Variants in CHST11 observed in about 807,000 individuals in gnomAD.
The protein encoded by CHST11 is carbohydrate sulfotransferase 11.
A neutral mutation model predicts 30.4 loss-of-function variants in CHST11; 9 were observed. That is an observed-to-expected ratio of 0.30 (90% CI 0.18 to 0.52). The LOEUF is 0.52. Among genes scored for constraint, CHST11 ranks in the 20% least tolerant of loss-of-function variants. The pLI, the probability that CHST11 is intolerant of heterozygous loss-of-function variation, is 0.97. For missense variants in CHST11, 348 were observed against 460.6 expected, an observed-to-expected ratio of 0.76 and a Z score of 2.24; for synonymous variants, 152 against 187.8, an observed-to-expected ratio of 0.81 and a Z score of 1.56.
At chr12:104,577,016 C>CTGAG (rs1345176256) in intron 1 of CHST11, among the ~76,000 whole-genome samples, 1 of 145,304 alleles carries the variant, frequency 6.9e-6, no homozygotes, top group East Asian at 2.0e-4. Context: ...AATCCCTGGA[C>CTGAG]CTCGGTACTA....
chr12:104,476,179 TA>T (rs1466477528), intron 1 of CHST11, among the ~76,000 whole-genome samples: 4 of 146,578 alleles, frequency 2.7e-5, no homozygotes, highest in East Asian at 3.9e-4. Flanking sequence ...ATTATAATTA[TA>T]AAAATTATAA....
At chr12:104,637,334 A>AAAAG in intron 2 of CHST11, among the ~76,000 whole-genome samples, 1 of 60,322 alleles carries the variant, frequency 1.7e-5, no homozygotes, top group Non-Finnish European at 3.0e-5. Context: ...AAAAAAAAAA[A>AAAAG]AGGGGGTTGG....
chr12:104,474,703 C>T (rs1310449526), intron 1 of CHST11, among the ~76,000 whole-genome samples: 1 of 151,850 alleles, frequency 6.6e-6, no homozygotes, highest in African/African-American at 2.4e-5. Flanking sequence ...GCTGAGTGTT[C>T]GATCTGTTAT....
At chr12:104,646,239 C>T (rs900904691) in intron 2 of CHST11, among the ~76,000 whole-genome samples, 2 of 152,204 alleles carry the variant, frequency 1.3e-5, no homozygotes, top group Non-Finnish European at 2.9e-5. Context: ...ACTTTCTCCT[C>T]CTCCTTTTCT....
chr12:104,736,812 C>T (rs192885686), intron 2 of CHST11, among the ~76,000 whole-genome samples: 15 of 152,294 alleles, frequency 9.8e-5, no homozygotes, highest in Admixed American at 3.9e-4. Flanking sequence ...CCCCACACAG[C>T]GCTGTAGGTG....
At chr12:104,546,306 CA>C (rs1213013825) in intron 1 of CHST11, among the ~76,000 whole-genome samples, 181 of 136,930 alleles carry the variant, frequency 1.3e-3, no homozygotes, top group Admixed American at 2.2e-3. Flanking sequence ...CCCATCTCTA[CA>C]AAAAAAAAAA....
intron 1 of CHST11, among the ~76,000 whole-genome samples, chr12:104,580,931 G>T (rs1303889950): frequency 2.0e-5 from 3 of 152,126 alleles, no homozygotes; most frequent in African/African-American, 7.2e-5. Context: ...AGAACTTTCA[G>T]TTCCAATACA....
chr12:104,578,562 C>G (rs1211021644), intron 1 of CHST11, among the ~76,000 whole-genome samples: 1 of 152,162 alleles, frequency 6.6e-6, no homozygotes, highest in Non-Finnish European at 1.5e-5. Flanking sequence ...TCTGGGATGA[C>G]AGCACGAGTT....
intron 2 of CHST11, among the ~76,000 whole-genome samples, chr12:104,612,176 G>A (rs2039066874): frequency 6.6e-6 from 1 of 152,216 alleles, no homozygotes; most frequent in Non-Finnish European, 1.5e-5. Context: ...TAGTTCGCTG[G>A]GGCTGCTGTA....
chr12:104,752,182 G>A (rs2040436999), intron 2 of CHST11, among the ~76,000 whole-genome samples: 1 of 152,166 alleles, frequency 6.6e-6, no homozygotes, highest in South Asian at 2.1e-4. Context: ...CCAGCTGCTG[G>A]TGGTGGCCGG....
intron 1 of CHST11, among the ~76,000 whole-genome samples, chr12:104,578,385 T>G (rs1433678610): frequency 6.6e-6 from 1 of 152,242 alleles, no homozygotes; most frequent in Non-Finnish European, 1.5e-5. Flanking sequence ...TTTATAGATT[T>G]GGTGACTTCT....
At chr12:104,579,854 G>A (rs1274058620) in intron 1 of CHST11, among the ~76,000 whole-genome samples, 1 of 152,192 alleles carries the variant, frequency 6.6e-6, no homozygotes, top group Non-Finnish European at 1.5e-5. Context: ...AAATGTCTAA[G>A]GTCTAGCAGT....
intron 2 of CHST11, among the ~76,000 whole-genome samples, chr12:104,624,133 A>G (rs953891853): frequency 2.6e-5 from 4 of 152,206 alleles, no homozygotes; most frequent in African/African-American, 9.7e-5. Flanking sequence ...TCAAGGAGCA[A>G]TTATGCAGCT....
chr12:104,472,264 G>T (rs1205744962), intron 1 of CHST11, among the ~76,000 whole-genome samples: 1 of 151,470 alleles, frequency 6.6e-6, no homozygotes, highest in Non-Finnish European at 1.5e-5. Context: ...GAGCCATTGC[G>T]CCCGCCCCTT....
intron 1 of CHST11, chr12:104,552,768 T>C (rs2038417110): frequency 6.6e-6 from 1 of 152,226 alleles, no homozygotes; most frequent in African/African-American, 2.4e-5. Context: ...TTGTTTTGTA[T>C]TTCTCTCTGT....
At chr12:104,547,305 G>T (rs147539980) in intron 1 of CHST11, among the ~76,000 whole-genome samples, 1 of 152,328 alleles carries the variant, frequency 6.6e-6, no homozygotes, top group East Asian at 1.9e-4. Flanking sequence ...CAAGTCTTCA[G>T]GTTTTCAAGT....
chr12:104,465,313 T>C lies in CHST11; in HGVS notation c.118+7784T>C, dbSNP rs544905858. On this transcript the variant is annotated intron_variant, in intron 1 of 2. Transcript: ENST00000303694. ...ACTTATTTTCAGAGCCCAGGGCTTG[T>C]AGTTAGTATTTGTCTGATTAACGAT... Among the ~76,000 whole-genome samples, 4 of 152,330 alleles carry C rather than the reference T, an allele frequency of 2.6e-5. No individual in the cohort carries two copies. In the South Asian group the frequency reaches 8.3e-4, roughly 32 times the overall value.
intron 2 of CHST11, among the ~76,000 whole-genome samples, chr12:104,607,024 A>G (rs1412219704): frequency 6.6e-6 from 1 of 152,062 alleles, no homozygotes; most frequent in African/African-American, 2.4e-5. Flanking sequence ...ATGCCCCTAC[A>G]CTCCAGCCTG....
chr12:104,468,177 A>G (rs1300231404), intron 1 of CHST11, among the ~76,000 whole-genome samples: 1 of 152,068 alleles, frequency 6.6e-6, no homozygotes, highest in African/African-American at 2.4e-5. Flanking sequence ...GGGGGGATTG[A>G]AATTTTAAAT....
Sources: gnomAD v4.1 joint callset for allele counts (sites outside exome capture counted in the v4.1 genomes callset) on GRCh38, gnomAD v4.1.1 for gene constraint, MANE v1.5 for transcripts, NCBI Gene and HGNC (gene_info 2026-07-23, HGNC 2026-07-21) for gene names.